The following PIGG variants were observed in gnomAD, a reference collection of about 807,000 sequenced individuals.
PIGG encodes the protein GPI ethanolamine phosphate transferase 2, catalytic subunit.
A neutral mutation model predicts 83.2 loss-of-function variants in PIGG; 70 were observed. The observed-to-expected ratio is 0.84, with a 90% CI of 0.69 to 1.03. The LOEUF (loss-of-function observed/expected upper bound fraction) is 1.03, where lower values mean the gene tolerates loss of function less well. Among genes scored for constraint, PIGG ranks in the 50% least tolerant of loss-of-function variants. The pLI is 0.00. For synonymous variants in PIGG, 532 were observed against 519.5 expected, an observed-to-expected ratio of 1.02 and a Z score of -0.33; for missense variants, 1,257 against 1,233.6, an observed-to-expected ratio of 1.02 and a Z score of -0.28.
chr4:522,735 C>T (rs1577100444), intron 8 of PIGG: 1 of 154,310 alleles, frequency 6.5e-6, no homozygotes, highest in South Asian at 2.0e-4. Flanking sequence ...GCCACGCTTG[C>T]ACCTCGGGCC....
At chr4:502,837 A>G (rs1718237535) in intron 2 of PIGG, among the ~76,000 whole-genome samples, 1 of 152,004 alleles carries the variant, frequency 6.6e-6, no homozygotes, top group African/African-American at 2.4e-5. Flanking sequence ...ATATTGTCAA[A>G]TGTTGTAAAC....
At chr4:526,717 C>CTT (rs34114111) in intron 9 of PIGG, among the ~76,000 whole-genome samples, 48 of 137,614 alleles carry the variant, frequency 3.5e-4, no homozygotes, top group Admixed American at 1.4e-3. Flanking sequence ...AGTTAACTGT[C>CTT]TTTTTTTTTT....
At position 505,708 on chromosome 4, in the gene PIGG, C is replaced by T. The variant is rs782691739; in HGVS notation, c.361-10C>T. 24 of 1,605,438 alleles carry T rather than the reference C, an allele frequency of 1.5e-5. No homozygotes were observed. The Admixed American group carries it at 2.5e-4, about 17-fold the overall frequency. ...TTCAGTGGCCTAATTCTTGCATTTTCTGACTGCAGGCATTGATGACGGGGA... is the reference window on the plus strand; with the variant it reads ...TTCAGTGGCCTAATTCTTGCATTTTTTGACTGCAGGCATTGATGACGGGGA... On this transcript the variant is annotated splice_polypyrimidine_tract_variant and intron_variant, in intron 2 of 12. Coordinates refer to ENST00000453061, the MANE Select transcript of PIGG (RefSeq NM_001127178.3).
chr4:504,412 C>T (rs1443504311), intron 2 of PIGG, among the ~76,000 whole-genome samples: 2 of 152,136 alleles, frequency 1.3e-5, no homozygotes, highest in Non-Finnish European at 2.9e-5. Flanking sequence ...GTAGAAACAC[C>T]ATGGGCACTT....
chr4:508,762 G>A (rs1720816451), intron 4 of PIGG, 67 bp from the exon 5 acceptor site: 1 of 1,468,306 alleles, frequency 6.8e-7, no homozygotes, highest in Non-Finnish European at 9.4e-7. Flanking sequence ...ACCGAAAATT[G>A]TCTTCTTAAG....
rs549217969 is a variant in PIGG, at chr4:520,194, C to T, written c.1115-862C>T. 7.9e-5 allele frequency among the ~76,000 whole-genome samples: 12 copies of T among 152,346 alleles called. No homozygotes were observed. In the South Asian group the frequency reaches 1.7e-3, roughly 21 times the overall value. On this transcript the variant is annotated intron_variant, in intron 6 of 12. Coordinates refer to ENST00000453061, the MANE Select transcript of PIGG (RefSeq NM_001127178.3). ...GCCTGCCAAGAGGCACAGCTGAGACCCTTCTTGGCATGGCTCTTCTGGAGT... is the reference window on the plus strand; with the variant it reads ...GCCTGCCAAGAGGCACAGCTGAGACTCTTCTTGGCATGGCTCTTCTGGAGT...
intron 9 of PIGG, 121 bp downstream of exon 9, chr4:524,034 T>C (rs1726870865): frequency 1.5e-6 from 1 of 645,722 alleles, no homozygotes; most frequent in African/African-American, 1.8e-5. Flanking sequence ...GTATTTGAGA[T>C]CTGAAGAATT....
Position 528,783 on chromosome 4 carries a change from C to A in PIGG, c.2261+1553C>A. 1 of 939,688 alleles carries A rather than the reference C, an allele frequency of 1.1e-6. No individual in the cohort carries two copies. 58.2% of individuals were successfully genotyped at this position (939,688 alleles called of 1,614,324 possible). ...CCTTGGCCCTCTTCCCTTTCCTGGC[C>A]TGCTTCCTGCAGCATGTAATTTGCT... is the stretch of plus-strand genomic sequence containing the variant. On this transcript the variant is annotated intron_variant, in intron 10 of 12. Transcript: ENST00000453061. The surrounding 1 kb of genome is among the most constrained non-coding windows in gnomAD (Gnocchi z 4.8).
intron 9 of PIGG, chr4:525,473 A>C: frequency 4.0e-6 from 2 of 497,042 alleles, no homozygotes; most frequent in Non-Finnish European, 2.6e-6. Flanking sequence ...GAAAAGGGAA[A>C]TGCCTAGTCC....
chr4:500,359 A>G, intron 1 of PIGG, 37 bp from the exon 2 acceptor site: 1 of 1,467,382 alleles, frequency 6.8e-7, no homozygotes, highest in East Asian at 2.3e-5. Flanking sequence ...AGGAAAGTTT[A>G]GAGTTCAATT....
At position 499,231 on chromosome 4, in the gene PIGG, C is replaced by A; in HGVS notation, c.-105C>A. 8.0e-7 allele frequency: 1 copy of A among 1,254,190 alleles called. No individual in the cohort carries two copies. Among genetic ancestry groups the A allele is most frequent in the Non-Finnish European group, 1.1e-6 (1 of 898,580 alleles). The allele number at this position is 1,254,190 out of a possible 1,614,324, so 77.7% of individuals were successfully genotyped here. ...CGCCACTGTCGCTGCGACGATAAGG[C>A]CTGGCGTTATTGCTTAGAGGCGGCT... is the stretch of plus-strand genomic sequence containing the variant. On this transcript the variant is annotated 5_prime_UTR_variant, in exon 1 of 13. Coordinates refer to ENST00000453061, the MANE Select transcript of PIGG (RefSeq NM_001127178.3).
intron 5 of PIGG, among the ~76,000 whole-genome samples, chr4:511,796 G>T (rs1553883585): frequency 2.0e-5 from 3 of 152,198 alleles, no homozygotes; most frequent in Admixed American, 6.5e-5. Context: ...TGCTAGCAAA[G>T]AATTTTTTGT....
rs115590778 is a variant in PIGG, at chr4:533,919, G to A, written c.2673G>A (p.Thr891=). The A allele has an allele frequency of 1.2e-5, 19 of 1,614,020 alleles. No homozygotes were observed. In the East Asian group the frequency reaches 1.3e-4, roughly 11 times the overall value. ...CCGTGCTCCTGACAGCGTTTGGGAC[G>A]TACGCAGGGCCTGTGCTGTGGGCCA... The part of the protein sequence containing the change: ...IPAVLLTAFG[T]YAGPVLWASH... The change falls in exon 12 of 13, where the codon ACG becomes ACA. Residue 891 remains threonine (T), a synonymous_variant. Coordinates refer to ENST00000453061, the MANE Select transcript of PIGG (RefSeq NM_001127178.3).
intron 10 of PIGG, chr4:527,949 G>A: frequency 1.0e-6 from 1 of 985,392 alleles, no homozygotes; most frequent in Non-Finnish European, 1.2e-6. Context: ...GCAGGAGCCT[G>A]GGATGGGACA....
intron 2 of PIGG, among the ~76,000 whole-genome samples, chr4:503,782 T>C (rs936868631): frequency 5.3e-5 from 8 of 151,572 alleles, no homozygotes; most frequent in Non-Finnish European, 1.2e-4. Context: ...AGTTTGAGAG[T>C]AATTTGTATA....
At position 521,134 on chromosome 4, in the gene PIGG, C is replaced by T; in HGVS notation, c.1193C>T (p.Ser398Leu). Reference sequence around the variant, plus strand: ...AGACTGTACTTGGAGGAAAAGCATTCAGAAGTCCTATTCAACCTGGGCTCC... The same window carrying T: ...AGACTGTACTTGGAGGAAAAGCATTTAGAAGTCCTATTCAACCTGGGCTCC... ...WIRLYLEEKH[S>L]EVLFNLGSKV... Residue 398 changes from serine to leucine, a missense_variant, in exon 7 of 13, where the codon TCA becomes TTA. Transcript: ENST00000453061. 1 of 1,614,048 alleles carries T rather than the reference C, an allele frequency of 6.2e-7. No individual in the cohort carries two copies. The highest frequency in any genetic ancestry group is 8.5e-7 in the Non-Finnish European group (1 of 1,179,916).
intron 2 of PIGG, among the ~76,000 whole-genome samples, chr4:504,475 G>A (rs938231302): frequency 1.3e-5 from 2 of 152,214 alleles, no homozygotes; most frequent in African/African-American, 4.8e-5. Context: ...TTCTCAATCT[G>A]TTCTATAATT....
intron 12 of PIGG, among the ~76,000 whole-genome samples, chr4:537,597 T>A (rs886797418): frequency 1.3e-5 from 2 of 152,094 alleles, no homozygotes; most frequent in African/African-American, 4.8e-5. Context: ...TACCAAGTGG[T>A]GACCAGCGGT....
chr4:520,662 A>G (rs1234563736), intron 6 of PIGG, among the ~76,000 whole-genome samples: 1 of 152,226 alleles, frequency 6.6e-6, no homozygotes, highest in Non-Finnish European at 1.5e-5. Flanking sequence ...GACTGTTGAC[A>G]TAATGCATTT....
Sources: allele counts gnomAD v4.1 joint callset (sites outside exome capture counted in the v4.1 genomes callset), GRCh38; gene constraint gnomAD v4.1.1; non-coding constraint Gnocchi (gnomAD v3.1); transcripts MANE v1.5; gene names NCBI Gene and HGNC (gene_info 2026-07-23, HGNC 2026-07-21).